SCN10A: variants seen among roughly 807,000 people sequenced by gnomAD.
SCN10A encodes the protein sodium voltage-gated channel alpha subunit 10, also known as sodium channel protein type 10 subunit alpha.
In SCN10A, 162 loss-of-function variants were observed where a neutral mutation model predicts 170.7. The observed-to-expected ratio is 0.95, with a 90% CI of 0.84 to 1.08. The LOEUF (loss-of-function observed/expected upper bound fraction) is 1.08. Ranked by LOEUF, SCN10A falls within the 50% of genes least tolerant of loss-of-function variation. SCN10A has a pLI of 0.00. For synonymous variants in SCN10A, 985 were observed against 904.6 expected, an observed-to-expected ratio of 1.09 and a Z score of -1.59; for missense variants, 2,527 against 2,436.9, an observed-to-expected ratio of 1.04 and a Z score of -0.78.
intron 24 of SCN10A, among the ~76,000 whole-genome samples, chr3:38,709,833 C>A (rs1055806734): frequency 2.6e-5 from 4 of 152,180 alleles, no homozygotes; most frequent in Non-Finnish European, 4.4e-5. Flanking sequence ...GCAACTGAAG[C>A]GCAATCCTAC....
At chr3:38,701,061 A>T (rs958155417) in intron 27 of SCN10A, among the ~76,000 whole-genome samples, 1 of 152,200 alleles carries the variant, frequency 6.6e-6, no homozygotes, top group Non-Finnish European at 1.5e-5. Flanking sequence ...TCAATTTTAA[A>T]TGTATAAAAT....
chr3:38,749,966 G>A (rs2063730135), intron 13 of SCN10A, 107 bp downstream of exon 13: 2 of 591,746 alleles, frequency 3.4e-6, no homozygotes, highest in East Asian at 5.8e-5. Context: ...AGGAATTCCA[G>A]TACACAGAGA....
At chr3:38,793,603 T>C in intron 2 of SCN10A, 138 bp downstream of exon 2, 2 of 700,266 alleles carry the variant, frequency 2.9e-6, no homozygotes, top group Non-Finnish European at 4.9e-6. Flanking sequence ...GATATATATA[T>C]ATATTTTTTT....
At chr3:38,735,169 CAAAAAAAAAAAAA>C (rs543574832) in intron 15 of SCN10A, among the ~76,000 whole-genome samples, 6 of 76,166 alleles carry the variant, frequency 7.9e-5, no homozygotes, top group African/African-American at 3.2e-4. Context: ...GACTCTGTCT[CAAAAAAAAAAAAA>C]AAAAAAAGAA....
chr3:38,729,334 G>A (rs570262409), intron 15 of SCN10A, among the ~76,000 whole-genome samples: 8 of 152,192 alleles, frequency 5.3e-5, no homozygotes, highest in Non-Finnish European at 1.2e-4. Flanking sequence ...CACTGCATTC[G>A]ATAGGTATTG....
intron 20 of SCN10A, 91 bp from the exon 21 acceptor site, chr3:38,718,917 C>A (rs1430344546): frequency 1.6e-6 from 2 of 1,234,806 alleles, no homozygotes; most frequent in Non-Finnish European, 2.2e-6. Flanking sequence ...CCAGCCCTGA[C>A]CACAGTCCCT....
At chr3:38,793,648 T>C in intron 2 of SCN10A, 93 bp downstream of exon 2, 1 of 1,318,194 alleles carries the variant, frequency 7.6e-7, no homozygotes, top group Non-Finnish European at 1.0e-6. Flanking sequence ...GACTGCCACA[T>C]CACCCAGGGC....
chr3:38,701,176 A>G (rs549797185), intron 27 of SCN10A, among the ~76,000 whole-genome samples: 6 of 152,186 alleles, frequency 3.9e-5, no homozygotes, highest in Non-Finnish European at 8.8e-5. Context: ...CCATTTCCCC[A>G]TGTTAGCCTC....
intron 1 of SCN10A, among the ~76,000 whole-genome samples, chr3:38,814,803 C>A (rs1358298115): frequency 6.6e-6 from 1 of 152,170 alleles, no homozygotes; most frequent in African/African-American, 2.4e-5. Flanking sequence ...ACATTTCAAA[C>A]CAACTTTATG....
intron 4 of SCN10A, among the ~76,000 whole-genome samples, chr3:38,777,161 C>T (rs1345359925): frequency 6.6e-6 from 1 of 151,778 alleles, no homozygotes; most frequent in African/African-American, 2.4e-5. Flanking sequence ...AAGGTCCCGG[C>T]CAATTCAATA....
chr3:38,723,351 A>C, intron 19 of SCN10A, 79 bp downstream of exon 19: 1 of 1,555,708 alleles, frequency 6.4e-7, no homozygotes, highest in South Asian at 1.1e-5. Context: ...TCTTCTGTGG[A>C]TCCCAGGTGA....
Position 38,742,341 on chromosome 3 carries a change from G to A in SCN10A, c.2056C>T (p.His686Tyr), listed in dbSNP as rs747722134. The change falls in exon 14 of 28, where the codon CAC (histidine) becomes TAC (tyrosine). Residue 686 changes from histidine (H) to tyrosine (Y), a missense_variant. Transcript: ENST00000449082. ...TCGAAGGTAGGGCTCATGCCATGGT[G>A]CTCCATGGCCATGAAGATGGTGTTC... is the stretch of plus-strand genomic sequence containing the variant. ...VVNTIFMAME[H>Y]HGMSPTFEAM... 10 of 1,614,136 alleles carry A rather than the reference G, an allele frequency of 6.2e-6. No homozygotes were observed. The highest frequency in any genetic ancestry group is 8.5e-6 in the Non-Finnish European group (10 of 1,180,028).
intron 1 of SCN10A, among the ~76,000 whole-genome samples, chr3:38,800,536 A>C (rs73826364): frequency 0.11 from 16,542 of 152,172 alleles, 984 homozygotes; most frequent in South Asian, 0.21. Context: ...CTGGATGAAA[A>C]TCTTTCTGGA....
chr3:38,816,201 A>G lies in SCN10A; in HGVS notation c.-197T>C, dbSNP rs953834195. ...ATGTCTGTTCTCTAGCCAAGAGGCT[A>G]GTGTGTGAAGCAAGAAATGAGAGGC... On this transcript the variant is annotated 5_prime_UTR_variant, in exon 1 of 28. Coordinates refer to ENST00000449082, the MANE Select transcript of SCN10A (RefSeq NM_006514.4). 5.3e-5 allele frequency: 8 copies of G among 152,222 alleles called. No homozygotes were observed. The highest frequency in any genetic ancestry group is 1.7e-4 in the African/African-American group (7 of 41,450). 9.4% of individuals were successfully genotyped at this position (152,222 alleles called of 1,614,324 possible). A position where few individuals can be genotyped will look rare whatever the true frequency, so the allele number is the denominator to read the frequency against.
intron 27 of SCN10A, among the ~76,000 whole-genome samples, chr3:38,700,805 C>A (rs760781539): frequency 2.0e-5 from 3 of 152,186 alleles, no homozygotes; most frequent in Non-Finnish European, 2.9e-5. Context: ...TACAGCTACA[C>A]CCCGACATGA....
chr3:38,768,460 T>C (rs1559454526), intron 5 of SCN10A, among the ~76,000 whole-genome samples: 1 of 152,178 alleles, frequency 6.6e-6, no homozygotes, highest in Admixed American at 6.5e-5. Context: ...TCACCATTTG[T>C]TTGTCTGAAA....
chr3:38,776,507 A>G (rs1017403212), intron 4 of SCN10A, among the ~76,000 whole-genome samples: 3 of 152,154 alleles, frequency 2.0e-5, no homozygotes, highest in Non-Finnish European at 4.4e-5. Context: ...TAAACTGCCT[A>G]TGATTAACTC....
At position 38,789,179 on chromosome 3, in the gene SCN10A, T is replaced by C. The variant is rs2064248182; in HGVS notation, c.390-143A>G. 9.4e-6 allele frequency: 6 copies of C among 634,996 alleles called. No homozygotes were observed. In the South Asian group the frequency reaches 9.6e-5, roughly 10 times the overall value. 39.3% of individuals were successfully genotyped at this position (634,996 alleles called of 1,614,324 possible). A position where few individuals can be genotyped will look rare whatever the true frequency, so the allele number is the denominator to read the frequency against. On this transcript the variant is annotated intron_variant, in intron 3 of 27. Coordinates refer to ENST00000449082, the MANE Select transcript of SCN10A (RefSeq NM_006514.4). ...CTTGTCACATAATAACCACTAACAT[T>C]TACTGAGTGCCTAAGCTAGGCTGAG... is the stretch of plus-strand genomic sequence containing the variant.
At chr3:38,806,312 C>G (rs1423514748) in intron 1 of SCN10A, among the ~76,000 whole-genome samples, 1 of 152,168 alleles carries the variant, frequency 6.6e-6, no homozygotes, top group Non-Finnish European at 1.5e-5. Flanking sequence ...CGTATCATCT[C>G]TTCCAACCCA....
Sources: allele counts gnomAD v4.1 joint callset (sites outside exome capture counted in the v4.1 genomes callset), GRCh38; gene constraint gnomAD v4.1.1; transcripts MANE v1.5; gene names NCBI Gene and HGNC (gene_info 2026-07-23, HGNC 2026-07-21).